Variants in VEPH1 observed in about 807,000 individuals in gnomAD.
VEPH1 encodes ventricular zone expressed PH domain containing 1, also known as ventricular zone-expressed PH domain-containing protein homolog 1.
VEPH1 carries 80 observed loss-of-function variants against 85.2 expected under a neutral mutation model. The ratio of observed to expected loss-of-function variants is 0.94; its 90% CI spans 0.78 to 1.13. The LOEUF is 1.13. Ranked by LOEUF, VEPH1 falls within the 50% of genes most tolerant of loss-of-function variation. The probability of loss-of-function intolerance (pLI) is 0.00; values close to 1 mark genes in which losing one functional copy is unlikely to be tolerated. For missense variants in VEPH1, 955 were observed against 980.5 expected (o/e 0.97, Z 0.35); for synonymous variants, 297 against 348.0 (o/e 0.85, Z 1.63).
At chr3:157,487,214 A>G (rs928369831) in intron 2 of VEPH1, among the ~76,000 whole-genome samples, 3 of 152,124 alleles carry the variant, frequency 2.0e-5, no homozygotes, top group African/African-American at 7.2e-5. Context: ...ACAGATGATC[A>G]ATAAATCAAA....
At chr3:157,388,196 A>G (rs774928495) in intron 6 of VEPH1, among the ~76,000 whole-genome samples, 26 of 152,168 alleles carry the variant, frequency 1.7e-4, no homozygotes, top group Non-Finnish European at 2.9e-4. Context: ...TGTTCTCTCA[A>G]TGGAACTTTG....
At chr3:157,499,482 A>C (rs965738709) in intron 1 of VEPH1, 1 of 152,208 alleles carries the variant, frequency 6.6e-6, no homozygotes, top group African/African-American at 2.4e-5. Flanking sequence ...CTCCGAGGGC[A>C]CAGCGAGTGG....
intron 6 of VEPH1, among the ~76,000 whole-genome samples, chr3:157,402,880 T>C (rs1395420871): frequency 1.3e-5 from 2 of 152,152 alleles, no homozygotes; most frequent in Non-Finnish European, 2.9e-5. Context: ...TTATGATCTA[T>C]ACCTGTGAAC....
chr3:157,408,375 C>T (rs1170084226), intron 6 of VEPH1, among the ~76,000 whole-genome samples: 1 of 152,066 alleles, frequency 6.6e-6, no homozygotes, highest in South Asian at 2.1e-4. Context: ...ATATTTCCTC[C>T]TCCTCTCTCT....
chr3:157,366,271 T>C (rs1280929496), intron 7 of VEPH1, among the ~76,000 whole-genome samples: 1 of 152,186 alleles, frequency 6.6e-6, no homozygotes, highest in African/African-American at 2.4e-5. Context: ...TGCATTTACT[T>C]GGCTGTCTTT....
At chr3:157,286,756 G>T in intron 11 of VEPH1, 82 bp from the exon 12 acceptor site, 1 of 1,131,066 alleles carries the variant, frequency 8.8e-7, no homozygotes, top group South Asian at 1.3e-5. Context: ...AAGGGGATGT[G>T]GATCAGGATG....
chr3:157,371,416 A>G (rs562644557), intron 7 of VEPH1, among the ~76,000 whole-genome samples: 1 of 152,318 alleles, frequency 6.6e-6, no homozygotes, highest in South Asian at 2.1e-4. Context: ...TTTAACCAAC[A>G]TGGGAGAGAA....
intron 9 of VEPH1, among the ~76,000 whole-genome samples, chr3:157,327,563 G>T (rs1020329994): frequency 6.6e-6 from 1 of 152,160 alleles, no homozygotes; most frequent in African/African-American, 2.4e-5. Flanking sequence ...GGTGGAGAAA[G>T]AAATCTTGTC....
chr3:157,378,220 G>C (rs4482625), intron 7 of VEPH1, among the ~76,000 whole-genome samples: 63 of 150,228 alleles, frequency 4.2e-4, no homozygotes, highest in Admixed American at 6.6e-4. Context: ...TTTTAATGAT[G>C]CTGGCCTTGA....
intron 5 of VEPH1, among the ~76,000 whole-genome samples, chr3:157,426,230 C>T (rs1054803186): frequency 6.6e-6 from 1 of 152,212 alleles, no homozygotes; most frequent in African/African-American, 2.4e-5. Flanking sequence ...CTGGCAGCCT[C>T]TAGTTTCTGT....
chr3:157,278,637 G>A (rs554228168), intron 12 of VEPH1, among the ~76,000 whole-genome samples: 1 of 152,298 alleles, frequency 6.6e-6, no homozygotes, highest in South Asian at 2.1e-4. Flanking sequence ...AGGAGGCTAT[G>A]GCCATTATTG....
intron 12 of VEPH1, among the ~76,000 whole-genome samples, chr3:157,266,200 G>T (rs1713619175): frequency 6.6e-6 from 1 of 151,106 alleles, no homozygotes; most frequent in Non-Finnish European, 1.5e-5. Flanking sequence ...AGTCAATGCA[G>T]CACTCCAAAA....
chr3:157,438,069 A>ACACACACACACACACACACC (rs1237245016), intron 4 of VEPH1, among the ~76,000 whole-genome samples: 1 of 149,564 alleles, frequency 6.7e-6, no homozygotes, highest in Non-Finnish European at 1.5e-5. Context: ...ACACACACAC[A>ACACACACACACACACACACC]CACCCCTATT....
intron 9 of VEPH1, among the ~76,000 whole-genome samples, chr3:157,324,668 T>G (rs1721704849): frequency 7.3e-6 from 1 of 136,352 alleles, no homozygotes; most frequent in South Asian, 2.2e-4. Flanking sequence ...CATGATCTTG[T>G]TTTTTTTTTT....
chr3:157,273,921 G>A (rs1345757209), intron 12 of VEPH1, among the ~76,000 whole-genome samples: 1 of 152,172 alleles, frequency 6.6e-6, no homozygotes, highest in African/African-American at 2.4e-5. Flanking sequence ...GATCACATGA[G>A]ACTGTACCAA....
chr3:157,368,024 G>A (rs963192069), intron 7 of VEPH1, among the ~76,000 whole-genome samples: 2 of 152,082 alleles, frequency 1.3e-5, no homozygotes, highest in African/African-American at 4.8e-5. Flanking sequence ...TCATATTTAT[G>A]GAAATCCTTC....
chr3:157,490,402 T>C (rs968251272), intron 2 of VEPH1, among the ~76,000 whole-genome samples: 2 of 151,694 alleles, frequency 1.3e-5, no homozygotes, highest in Admixed American at 6.6e-5. Flanking sequence ...AAATAAGATT[T>C]TAAGACTACA....
chr3:157,340,199 G>A (rs1399492215), intron 9 of VEPH1, among the ~76,000 whole-genome samples: 1 of 152,170 alleles, frequency 6.6e-6, no homozygotes, highest in African/African-American at 2.4e-5. Context: ...GCAGCCCACT[G>A]AGTGTGAGCC....
At position 157,414,090 on chromosome 3, in the gene VEPH1, C is replaced by A; in HGVS notation, c.697G>T (p.Val233Leu). 3 of 1,598,322 alleles carry A rather than the reference C, an allele frequency of 1.9e-6. No homozygotes were observed. Among genetic ancestry groups the A allele is most frequent in the Non-Finnish European group, 1.7e-6 (2 of 1,168,726 alleles). Residue 233 changes from valine (V) to leucine (L), a missense_variant and splice_region_variant, in exon 6 of 14, where the codon GTA becomes TTA. Val to Leu is a conservative substitution (Grantham distance 32). Coordinates refer to ENST00000362010, the MANE Select transcript of VEPH1 (RefSeq NM_001167912.2). Reference sequence around the variant, plus strand: ...AGGAAAGGAATACACTTCTGAACTACCTATAAAGAGAGAGGAGAGGAGGAG... The same window carrying A: ...AGGAAAGGAATACACTTCTGAACTAACTATAAAGAGAGAGGAGAGGAGGAG... Reference protein sequence around the residue: ...HVAAKKKQLEVVQKCIPFLIG... With the variant: ...HVAAKKKQLELVQKCIPFLIG...
Sources: allele counts gnomAD v4.1 joint callset (sites outside exome capture counted in the v4.1 genomes callset), GRCh38; gene constraint gnomAD v4.1.1; transcripts MANE v1.5; gene names NCBI Gene and HGNC (gene_info 2026-07-23, HGNC 2026-07-21).